PWWP2A: variants seen among roughly 807,000 people sequenced by gnomAD.
PWWP2A encodes the protein PWWP domain-containing protein 2A.
In PWWP2A, 18 loss-of-function variants were observed where a neutral mutation model predicts 48.5. The observed-to-expected ratio is 0.37, with a 90% CI of 0.26 to 0.55. The LOEUF (loss-of-function observed/expected upper bound fraction) is 0.55. Among genes scored for constraint, PWWP2A ranks in the 20% least tolerant of loss-of-function variants. The probability of loss-of-function intolerance (pLI) is 0.81; values close to 1 mark genes in which losing one functional copy is unlikely to be tolerated. For missense variants in PWWP2A, 867 were observed against 976.4 expected (o/e 0.89, Z 1.49); for synonymous variants, 396 against 387.7 (o/e 1.02, Z -0.25).
the PWWP2A span, among the ~76,000 whole-genome samples, chr5:160,047,966 G>A: frequency 6.6e-6 from 1 of 151,996 alleles, no homozygotes; most frequent in Non-Finnish European, 1.5e-5. Context: ...AAGGCTTCAT[G>A]AGAACAAGGA....
At chr5:160,050,614 G>C in the PWWP2A span, among the ~76,000 whole-genome samples, 1 of 146,540 alleles carries the variant, frequency 6.8e-6, no homozygotes, top group Non-Finnish European at 1.5e-5. Context: ...ACTGGAAACA[G>C]AGCCAAACAA....
At chr5:160,102,615 T>C (rs1251777732) in intron 1 of PWWP2A, among the ~76,000 whole-genome samples, 1 of 152,090 alleles carries the variant, frequency 6.6e-6, no homozygotes, top group Non-Finnish European at 1.5e-5. Context: ...GAAAGTTTTA[T>C]GAGAAGCAGT....
downstream of PWWP2A, among the ~76,000 whole-genome samples, chr5:160,072,599 G>A (rs1753764614): frequency 6.6e-6 from 1 of 152,126 alleles, no homozygotes; most frequent in African/African-American, 2.4e-5. Flanking sequence ...GGGTGGTAGT[G>A]CACACCTGTA....
intron 1 of PWWP2A, among the ~76,000 whole-genome samples, chr5:160,115,163 AAAAAG>A (rs1757993762): frequency 7.2e-6 from 1 of 138,240 alleles, no homozygotes; most frequent in African/African-American, 2.6e-5. Flanking sequence ...AAAAAAAAAA[AAAAAG>A]AGCACAAACT....
At position 160,093,795 on chromosome 5, in the gene PWWP2A, T is replaced by G. The variant is rs527461717; in HGVS notation, c.855A>C (p.Ser285=). Residue 285 remains serine, a synonymous_variant, in exon 2 of 2, where the codon TCA becomes TCC. Coordinates refer to ENST00000307063, the MANE Select transcript of PWWP2A (RefSeq NM_001130864.2). This position sits in a 1 kb window ranked among gnomAD's most constrained non-coding sequence, Gnocchi z 5.8. ...TTTTCCGAGGAGGTGGCTGAGGTAT[T>G]GATTGGTTATATGTGTCCCTGATAA... ...PLFIRDTYNQ[S]IPQPPPRKIK... is the part of the protein sequence containing the mutation. 1.7e-5 allele frequency: 27 copies of G among 1,614,048 alleles called. No individual in the cohort carries two copies. The highest frequency in any genetic ancestry group is 1.5e-4 in the South Asian group (14 of 91,090).
intron 1 of PWWP2A, among the ~76,000 whole-genome samples, chr5:160,110,887 C>T (rs1454406206): frequency 1.3e-5 from 2 of 148,910 alleles, no homozygotes; most frequent in East Asian, 2.0e-4. Flanking sequence ...AAAAATTACC[C>T]GGGCTTGGTG....
In PWWP2A at chr5:160,092,354, A is replaced by G. The variant is rs1296034095; in HGVS notation, c.*28T>C. 4.7e-6 allele frequency: 7 copies of G among 1,497,572 alleles called. No homozygotes were observed. In the East Asian group the frequency reaches 9.9e-5, roughly 21 times the overall value. The allele number at this position is 1,497,572 out of a possible 1,614,324, so 92.8% of individuals were successfully genotyped here. A position where few individuals can be genotyped will look rare whatever the true frequency, so the allele number is the denominator to read the frequency against. Reference sequence around the variant, plus strand: ...ACTAGAAAATCTGTGGTGACTTCCAATGGTCTTGCCTACCTTACTGCCCAT... The same window carrying G: ...ACTAGAAAATCTGTGGTGACTTCCAGTGGTCTTGCCTACCTTACTGCCCAT... On this transcript the variant is annotated 3_prime_UTR_variant, in exon 2 of 2. Transcript: ENST00000307063.
intron 3 of PWWP2A, among the ~76,000 whole-genome samples, chr5:160,079,002 C>T (rs536117141): frequency 6.6e-6 from 1 of 152,242 alleles, no homozygotes; most frequent in South Asian, 2.1e-4. Flanking sequence ...CCACTGAAAC[C>T]CTCTACAATC....
chr5:160,100,077 GATCACC>G lies in PWWP2A; in HGVS notation c.585-6018_585-6013del, dbSNP rs1168089556. 2.0e-5 allele frequency among the ~76,000 whole-genome samples: 3 copies of G among 151,980 alleles called. No individual in the cohort carries two copies. In the East Asian group the frequency reaches 5.9e-4, roughly 30 times the overall value. The stretch of plus-strand genomic sequence containing the variant: ...GCACTTTGGGAGGCCAAGGCAGGCG[GATCACC>G]TGAGGTCAGGAGTTCGAGACCAGCC... On this transcript the variant is annotated intron_variant, in intron 1 of 1. Coordinates refer to ENST00000307063, the MANE Select transcript of PWWP2A (RefSeq NM_001130864.2).
In PWWP2A at chr5:160,092,374, G is replaced by A. The variant is rs1234326046; in HGVS notation, c.*8C>T. ...TTCCAATGGTCTTGCCTACCTTACT[G>A]CCCATGTTCACGTTTCAAACTGTGT... On this transcript the variant is annotated 3_prime_UTR_variant, in exon 2 of 2. Transcript: ENST00000307063. The A allele has an allele frequency of 6.5e-7, 1 of 1,530,412 alleles. No individual in the cohort carries two copies. The highest frequency in any genetic ancestry group is 8.8e-7 in the Non-Finnish European group (1 of 1,138,082). The allele number at this position is 1,530,412 out of a possible 1,614,324, so 94.8% of individuals were successfully genotyped here. A position where few individuals can be genotyped will look rare whatever the true frequency, so the allele number is the denominator to read the frequency against.
chr5:160,118,727 G>C lies in PWWP2A; in HGVS notation c.584+78C>G, dbSNP rs892410137. 1.2e-4 allele frequency: 151 copies of C among 1,302,558 alleles called. No homozygotes were observed. The Admixed American group carries it at 1.7e-3, about 15-fold the overall frequency. The allele number at this position is 1,302,558 out of a possible 1,614,324, so 80.7% of individuals were successfully genotyped here. A position where few individuals can be genotyped will look rare whatever the true frequency, so the allele number is the denominator to read the frequency against. The stretch of plus-strand genomic sequence containing the variant: ...CCGGGCAGCGGGGAAGCGAGGGCTC[G>C]GGGAGAGGGGGCCGCCCGGGCTCAC... On this transcript the variant is annotated intron_variant, in intron 1 of 1. Transcript: ENST00000307063.
chr5:160,065,324 A>T (rs1486088950), intron 4 of PWWP2A: 1 of 597,442 alleles, frequency 1.7e-6, no homozygotes, highest in African/African-American at 1.8e-5. Flanking sequence ...TCCTATGTCC[A>T]GGAAGAAGCC....
At chr5:160,074,943 A>AT (rs1048058638), downstream of PWWP2A, among the ~76,000 whole-genome samples, 9 of 97,018 alleles carry the variant, frequency 9.3e-5, no homozygotes, top group South Asian at 3.4e-4. Flanking sequence ...TATTATTTAA[A>AT]TTAAAAAAAA....
intron 1 of PWWP2A, chr5:160,116,584 C>G: frequency 1.4e-6 from 1 of 736,662 alleles, no homozygotes; most frequent in Non-Finnish European, 1.7e-6. Context: ...GCACTGATAG[C>G]ATGAGACCAA....
At chr5:160,058,308 C>A, downstream of PWWP2A, among the ~76,000 whole-genome samples, 1 of 152,210 alleles carries the variant, frequency 6.6e-6, no homozygotes, top group Non-Finnish European at 1.5e-5. Context: ...GTCTTCACCC[C>A]CTCAAAGTCA....
chr5:160,051,198 TAC>T, the PWWP2A span: 1 of 1,604,568 alleles, frequency 6.2e-7, no homozygotes, highest in Admixed American at 1.7e-5. Flanking sequence ...GCTTACTTCT[TAC>T]TTTGCTTGAT....
At chr5:160,069,782 T>C (rs1157730736) in intron 2 of PWWP2A, among the ~76,000 whole-genome samples, 1 of 152,250 alleles carries the variant, frequency 6.6e-6, no homozygotes, top group East Asian at 1.9e-4. Context: ...TGCACGGCCA[T>C]GTAGAATGAA....
At chr5:160,087,738 A>C (rs1435132200), downstream of PWWP2A, among the ~76,000 whole-genome samples, 1 of 152,266 alleles carries the variant, frequency 6.6e-6, no homozygotes, top group Non-Finnish European at 1.5e-5. Context: ...ATACCACACA[A>C]AAAAATCACA....
chr5:160,049,561 G>C, the PWWP2A span: 1 of 1,610,142 alleles, frequency 6.2e-7, no homozygotes, highest in Admixed American at 1.7e-5. Context: ...GAGGAGAGCA[G>C]AGTTGTATGA....
Sources: allele counts gnomAD v4.1 joint callset (sites outside exome capture counted in the v4.1 genomes callset), GRCh38; gene constraint gnomAD v4.1.1; non-coding constraint Gnocchi (gnomAD v3.1); transcripts MANE v1.5; gene names NCBI Gene and HGNC (gene_info 2026-07-23, HGNC 2026-07-21).